Variants in CMSS1 observed in about 807,000 individuals in gnomAD.
CMSS1 encodes the protein protein CMSS1.
Under a neutral mutation model 43.5 loss-of-function variants are expected in CMSS1, and 33 were observed. The ratio of observed to expected loss-of-function variants is 0.76; its 90% CI spans 0.57 to 1.01. The LOEUF is 1.01. CMSS1 is among the 50% of genes least tolerant of loss of function. The probability of loss-of-function intolerance (pLI) is 0.00; values close to 1 mark genes in which losing one functional copy is unlikely to be tolerated. For synonymous variants in CMSS1, 115 were observed against 117.2 expected (o/e 0.98, Z 0.12); for missense variants, 313 against 326.4 (o/e 0.96, Z 0.32).
chr3:100,147,093 T>C, intron 2 of CMSS1, 32 bp downstream of exon 2: 2 of 1,611,120 alleles, frequency 1.2e-6, no homozygotes, highest in Middle Eastern at 1.7e-4. Context: ...GCCACCACTG[T>C]TAAATTCTGA....
intron 1 of CMSS1, among the ~76,000 whole-genome samples, chr3:100,094,143 A>G (rs1029261884): frequency 2.6e-5 from 4 of 152,126 alleles, no homozygotes; most frequent in Non-Finnish European, 5.9e-5. Context: ...GTGTAGTGAT[A>G]TTTCATTTTG....
At chr3:99,959,980 A>G (rs1026493787) in intron 1 of CMSS1, among the ~76,000 whole-genome samples, 3 of 152,116 alleles carry the variant, frequency 2.0e-5, no homozygotes, top group African/African-American at 7.2e-5. Context: ...AAAAGATGGG[A>G]GTTAGGCCTA....
chr3:99,817,877 C>A lies in CMSS1; in HGVS notation c.-103C>A. On this transcript the variant is annotated 5_prime_UTR_variant, in exon 1 of 10. Coordinates refer to ENST00000421999, the MANE Select transcript of CMSS1 (RefSeq NM_032359.4). ...CGGAGGCGACAGTGTCTAGCGGGAG[C>A]TCCGCGTGTAGCTACGCCGGCCGCC... 8.3e-7 allele frequency: 1 copy of A among 1,211,198 alleles called. No individual in the cohort carries two copies. 75.0% of individuals were successfully genotyped at this position (1,211,198 alleles called of 1,614,324 possible).
At chr3:100,100,369 CT>C (rs1312213922) in intron 1 of CMSS1, among the ~76,000 whole-genome samples, 1 of 152,158 alleles carries the variant, frequency 6.6e-6, no homozygotes, top group Non-Finnish European at 1.5e-5. Flanking sequence ...ATGTACTATA[CT>C]TGGCTGTCTT....
chr3:100,067,253 A>G (rs2065682588), intron 1 of CMSS1, among the ~76,000 whole-genome samples: 1 of 152,026 alleles, frequency 6.6e-6, no homozygotes, highest in East Asian at 1.9e-4. Flanking sequence ...TCCCTACTCA[A>G]ACTGAATTAC....
chr3:100,091,614 A>G (rs752991315), intron 1 of CMSS1, among the ~76,000 whole-genome samples: 2 of 152,266 alleles, frequency 1.3e-5, no homozygotes, highest in African/African-American at 2.4e-5. Context: ...TTACAAAAGT[A>G]TAACTAGCTT....
At chr3:100,007,094 C>T (rs73859916) in intron 1 of CMSS1, among the ~76,000 whole-genome samples, 2,246 of 152,248 alleles carry the variant, frequency 0.015, 55 homozygotes, top group African/African-American at 0.052. Flanking sequence ...TTTTCTGACT[C>T]GCTTTTTCTT....
chr3:99,931,450 T>C (rs902000681), intron 1 of CMSS1, among the ~76,000 whole-genome samples: 28 of 152,236 alleles, frequency 1.8e-4, no homozygotes, highest in African/African-American at 5.8e-4. Flanking sequence ...TACTTTATAG[T>C]ATTTCCTTTA....
intron 1 of CMSS1, among the ~76,000 whole-genome samples, chr3:99,963,607 T>A (rs1708557279): frequency 6.6e-6 from 1 of 152,050 alleles, no homozygotes; most frequent in Non-Finnish European, 1.5e-5. Context: ...TGAATATGCA[T>A]CCATTTTTTT....
chr3:99,991,405 A>C (rs1426306446), intron 1 of CMSS1, among the ~76,000 whole-genome samples: 1 of 152,182 alleles, frequency 6.6e-6, no homozygotes, highest in Non-Finnish European at 1.5e-5. Flanking sequence ...TGTTGAAAAT[A>C]TATGAAGTGA....
intron 1 of CMSS1, among the ~76,000 whole-genome samples, chr3:99,839,830 A>ATCAGATTCAAGGTTC (rs1220494341): frequency 1.1e-4 from 17 of 152,346 alleles, no homozygotes; most frequent in African/African-American, 3.4e-4. Flanking sequence ...CTTATGTTTC[A>ATCAGATTCAAGGTTC]TCAGATTCAA....
At chr3:100,040,968 C>T (rs1158676570) in intron 1 of CMSS1, 1 of 152,132 alleles carries the variant, frequency 6.6e-6, no homozygotes, top group Non-Finnish European at 1.5e-5. Context: ...TCATGTATTC[C>T]ACTATGAATT....
chr3:100,144,792 A>T (rs947996770), intron 1 of CMSS1, among the ~76,000 whole-genome samples: 5 of 152,204 alleles, frequency 3.3e-5, no homozygotes, highest in Admixed American at 3.3e-4. Context: ...TGGCATTTCC[A>T]GGTAGCTGCC....
intron 1 of CMSS1, among the ~76,000 whole-genome samples, chr3:100,123,839 T>C (rs1357910506): frequency 1.3e-5 from 2 of 152,244 alleles, no homozygotes; most frequent in Non-Finnish European, 2.9e-5. Flanking sequence ...ATTTTCACTT[T>C]GCAGGTTGGT....
At chr3:99,960,588 T>C (rs1442048396) in intron 1 of CMSS1, among the ~76,000 whole-genome samples, 1 of 152,220 alleles carries the variant, frequency 6.6e-6, no homozygotes. Flanking sequence ...CATCTTCTTC[T>C]ATCCCTCCCT....
At chr3:100,052,430 G>A (rs111534178) in intron 1 of CMSS1, among the ~76,000 whole-genome samples, 2,901 of 152,254 alleles carry the variant, frequency 0.019, 87 homozygotes, top group African/African-American at 0.066. Context: ...TGGTGTATCC[G>A]TGTGCATGTC....
chr3:100,002,788 A>T (rs1457425555), intron 1 of CMSS1, among the ~76,000 whole-genome samples: 1 of 152,150 alleles, frequency 6.6e-6, no homozygotes, highest in East Asian at 1.9e-4. Context: ...AGGTGGCTTG[A>T]TCTCTAGTTA....
At chr3:100,036,335 A>G (rs1013514494) in intron 1 of CMSS1, among the ~76,000 whole-genome samples, 8 of 152,186 alleles carry the variant, frequency 5.3e-5, no homozygotes, top group African/African-American at 1.9e-4. Flanking sequence ...AGCCTGGAAC[A>G]TCTTTTCATG....
intron 2 of CMSS1, among the ~76,000 whole-genome samples, chr3:100,152,295 C>CCTCT (rs368880929): frequency 6.8e-4 from 104 of 152,026 alleles, no homozygotes; most frequent in African/African-American, 2.4e-3. Context: ...TGTCCAAAGG[C>CCTCT]CTCTGTTCTC....
Sources: allele counts gnomAD v4.1 joint callset (sites outside exome capture counted in the v4.1 genomes callset), GRCh38; gene constraint gnomAD v4.1.1; transcripts MANE v1.5; gene names NCBI Gene and HGNC (gene_info 2026-07-23, HGNC 2026-07-21).